Variants in DIAPH2 observed in about 807,000 individuals in gnomAD.
DIAPH2 encodes diaphanous related formin 2, also known as protein diaphanous homolog 2.
In DIAPH2, 35 loss-of-function variants were observed where a neutral mutation model predicts 92.7. That is an observed-to-expected ratio of 0.38 (90% CI 0.29 to 0.50). DIAPH2 has a LOEUF of 0.50. Ranked by LOEUF, DIAPH2 falls within the 20% of genes least tolerant of loss-of-function variation. The pLI, the probability that DIAPH2 is intolerant of heterozygous loss-of-function variation, is 0.94. For synonymous variants in DIAPH2, 301 were observed against 280.4 expected (o/e 1.07, Z -0.73); for missense variants, 701 against 819.5 (o/e 0.86, Z 1.77).
At chrX:96,962,368 CAT>C (rs1364628269) in intron 16 of DIAPH2, among the ~76,000 whole-genome samples, 859 of 47,940 alleles carry the variant, frequency 0.018, 78 homozygotes, top group African/African-American at 0.064. Context: ...TATATATACA[CAT>C]ATATATATAC....
intron 25 of DIAPH2, among the ~76,000 whole-genome samples, chrX:97,387,744 AG>A (rs1187444379): frequency 8.9e-6 from 1 of 111,992 alleles, no homozygotes; most frequent in Non-Finnish European, 1.9e-5. Context: ...CGATCATGAG[AG>A]GGTGTTAAAG....
intron 26 of DIAPH2, among the ~76,000 whole-genome samples, chrX:97,490,757 T>C (rs777926968): frequency 5.4e-5 from 6 of 111,597 alleles, no homozygotes; most frequent in Admixed American, 9.5e-5. Flanking sequence ...CATTCCACTA[T>C]AGTCAGAAAA....
At chrX:97,288,076 G>GA (rs1440386058) in intron 23 of DIAPH2, among the ~76,000 whole-genome samples, 1 of 110,904 alleles carries the variant, frequency 9.0e-6, no homozygotes, top group Non-Finnish European at 1.9e-5. Context: ...CTAGATACAG[G>GA]ATTTTAGAAC....
chrX:96,954,177 G>A (rs2065794843), intron 15 of DIAPH2: 1 of 112,054 alleles, frequency 8.9e-6, no homozygotes, highest in Non-Finnish European at 1.9e-5. Flanking sequence ...GAGGCCTGTT[G>A]CAAAAAACTC....
chrX:97,559,505 A>T (rs909379401), intron 26 of DIAPH2, among the ~76,000 whole-genome samples: 9 of 110,015 alleles, frequency 8.2e-5, no homozygotes, highest in Admixed American at 7.7e-4. Flanking sequence ...AAAAAAAAAA[A>T]GTCTGATAGT....
intron 22 of DIAPH2, among the ~76,000 whole-genome samples, chrX:97,161,411 T>C (rs2147440163): frequency 9.0e-6 from 1 of 110,965 alleles, no homozygotes; most frequent in East Asian, 2.8e-4. Context: ...GGTTTTTTGT[T>C]TTTTTTTCTT....
At position 97,076,165 on chromosome X, in the gene DIAPH2, T is replaced by C. The variant is rs945265994; in HGVS notation, c.2247+904T>C. The stretch of plus-strand genomic sequence containing the variant: ...GATTTCTGTGGAAGGGTATAGTCAT[T>C]GTAGTTTTTTCTGTTTTTCTTTATT... On this transcript the variant is annotated intron_variant, in intron 19 of 26. Transcript: ENST00000324765. Among the ~76,000 whole-genome samples the C allele has an allele frequency of 2.7e-5, 3 of 112,136 alleles. No individual in the cohort carries two copies. The Admixed American group carries it at 2.8e-4, about 11-fold the overall frequency.
At chrX:96,930,591 CATA>C in intron 9 of DIAPH2, 139 bp from the exon 10 acceptor site, 1 of 408,207 alleles carries the variant, frequency 2.4e-6, no homozygotes, top group Non-Finnish European at 4.1e-6. Context: ...TAATTAAAGT[CATA>C]ATCATTATAC....
chrX:96,998,301 T>C (rs1346095656), intron 17 of DIAPH2, among the ~76,000 whole-genome samples: 1 of 111,238 alleles, frequency 9.0e-6, no homozygotes, highest in African/African-American at 3.3e-5. Context: ...GGAGAAAAAA[T>C]ACCTAAAATC....
intron 9 of DIAPH2, among the ~76,000 whole-genome samples, chrX:96,922,580 C>G (rs779657436): frequency 1.8e-5 from 2 of 111,372 alleles, no homozygotes; most frequent in Non-Finnish European, 3.8e-5. Flanking sequence ...AAAATGAGTC[C>G]AATTCTAATA....
intron 4 of DIAPH2, among the ~76,000 whole-genome samples, chrX:96,798,421 G>A (rs2064556911): frequency 9.1e-6 from 1 of 110,132 alleles, no homozygotes; most frequent in South Asian, 3.9e-4. Context: ...TTTCATTTCA[G>A]ATATGGTATT....
At chrX:96,770,308 C>T (rs2064330695) in intron 4 of DIAPH2, among the ~76,000 whole-genome samples, 2 of 111,444 alleles carry the variant, frequency 1.8e-5, no homozygotes, top group African/African-American at 6.5e-5. Flanking sequence ...TAAAATACCA[C>T]CAAGTGTGGC....
intron 17 of DIAPH2, among the ~76,000 whole-genome samples, chrX:96,999,923 C>T (rs1409080821): frequency 1.8e-5 from 2 of 111,657 alleles, no homozygotes; most frequent in African/African-American, 6.5e-5. Context: ...TGCACATGCA[C>T]TCTTGCTTGC....
At chrX:97,358,563 C>T (rs2069291142) in intron 24 of DIAPH2, among the ~76,000 whole-genome samples, 1 of 111,363 alleles carries the variant, frequency 9.0e-6, no homozygotes, top group Non-Finnish European at 1.9e-5. Flanking sequence ...GCAAAATCTA[C>T]TAGATAAGTT....
intron 3 of DIAPH2, among the ~76,000 whole-genome samples, chrX:96,746,097 T>C (rs1386789412): frequency 9.0e-6 from 1 of 110,828 alleles, no homozygotes; most frequent in East Asian, 2.8e-4. Flanking sequence ...GATGAGGTTT[T>C]GCCATGTTGC....
At chrX:97,473,338 A>T (rs995105620) in intron 26 of DIAPH2, among the ~76,000 whole-genome samples, 7 of 110,756 alleles carry the variant, frequency 6.3e-5, no homozygotes, top group Admixed American at 9.6e-5. Flanking sequence ...TTAATTAATT[A>T]ATTAATTTAT....
chrX:96,924,484 A>G (rs999818953), intron 9 of DIAPH2, among the ~76,000 whole-genome samples: 2 of 111,393 alleles, frequency 1.8e-5, no homozygotes, highest in African/African-American at 6.5e-5. Context: ...AAAAAGGAAC[A>G]GGCTGCTTTT....
At chrX:96,982,570 G>A (rs1161022681) in intron 17 of DIAPH2, among the ~76,000 whole-genome samples, 2 of 112,126 alleles carry the variant, frequency 1.8e-5, no homozygotes, top group Non-Finnish European at 3.8e-5. Context: ...AGAAGCTGGT[G>A]TGATTAGGTA....
rs1223309267 is a variant in DIAPH2 at position 97,120,073 on chromosome X, A to G, written c.2589+5108A>G. Among the ~76,000 whole-genome samples, 3 of 111,692 alleles carry G rather than the reference A, an allele frequency of 2.7e-5. No homozygotes were observed. The East Asian group carries it at 8.5e-4, about 32-fold the overall frequency. On this transcript the variant is annotated intron_variant, in intron 21 of 26. Coordinates refer to ENST00000324765, the MANE Select transcript of DIAPH2 (RefSeq NM_006729.5). ...GTTCTGGCCAGGAGGCTTCTTGACC[A>G]CTTCAAGTTGTTACAAAGATCAGCT...
Sources: allele counts gnomAD v4.1 joint callset (sites outside exome capture counted in the v4.1 genomes callset), GRCh38; gene constraint gnomAD v4.1.1; transcripts MANE v1.5; gene names NCBI Gene and HGNC (gene_info 2026-07-23, HGNC 2026-07-21).